Variants in RGS17 observed in about 807,000 individuals in gnomAD.
The protein encoded by RGS17 is regulator of G-protein signaling 17.
A neutral mutation model predicts 25.5 loss-of-function variants in RGS17; 12 were observed. The observed-to-expected ratio is 0.47, with a 90% CI of 0.30 to 0.76. The LOEUF is 0.76. Among genes scored for constraint, RGS17 ranks in the 30% least tolerant of loss-of-function variants. The pLI, the probability that RGS17 is intolerant of heterozygous loss-of-function variation, is 0.07. For missense variants in RGS17, 196 were observed against 242.2 expected, an observed-to-expected ratio of 0.81 and a Z score of 1.27; for synonymous variants, 71 against 76.9, an observed-to-expected ratio of 0.92 and a Z score of 0.40.
chr6:153,071,133 T>TATATGTACATATGTGTATATA (rs1776796430), intron 1 of RGS17, among the ~76,000 whole-genome samples: 1 of 149,548 alleles, frequency 6.7e-6, no homozygotes. Context: ...GTACATATTG[T>TATATGTACATATGTGTATATA]ATATGTACAT....
At chr6:153,033,956 CTGT>C (rs1776193885) in intron 2 of RGS17, among the ~76,000 whole-genome samples, 1 of 152,092 alleles carries the variant, frequency 6.6e-6, no homozygotes, top group South Asian at 2.1e-4. Context: ...AATAGTGTGA[CTGT>C]TATTAAAATG....
chr6:153,027,770 A>T (rs182136453), intron 2 of RGS17, among the ~76,000 whole-genome samples: 22 of 152,254 alleles, frequency 1.4e-4, no homozygotes, highest in African/African-American at 5.3e-4. Flanking sequence ...TGTATTTCTG[A>T]GTGCCTGCTA....
At chr6:153,026,362 T>C (rs575836161) in intron 3 of RGS17, 92 bp downstream of exon 3, 3 of 736,244 alleles carry the variant, frequency 4.1e-6, no homozygotes, top group Non-Finnish European at 6.6e-6. Flanking sequence ...TTTTGAAGAG[T>C]ACCATGAAGC....
At chr6:153,126,212 C>T (rs138127080) in intron 1 of RGS17, among the ~76,000 whole-genome samples, 10 of 152,130 alleles carry the variant, frequency 6.6e-5, no homozygotes, top group African/African-American at 1.9e-4. Flanking sequence ...TCCTTTCAAC[C>T]CCTTTATCTC....
chr6:153,121,347 A>C (rs12210305), intron 1 of RGS17, among the ~76,000 whole-genome samples: 16,924 of 152,082 alleles, frequency 0.11, 1,036 homozygotes, highest in East Asian at 0.18. Context: ...AACATAACCT[A>C]TTTCTTTTTC....
chr6:153,047,572 G>C (rs987889430), intron 1 of RGS17, among the ~76,000 whole-genome samples: 6 of 152,162 alleles, frequency 3.9e-5, no homozygotes, highest in Admixed American at 6.5e-5. Context: ...GGGGCCTTTG[G>C]GAGGTAATTA....
Position 153,011,669 on chromosome 6 carries a change from T to C in RGS17, c.538A>G (p.Thr180Ala), listed in dbSNP as rs556779833. 22 of 1,612,388 alleles carry C rather than the reference T, an allele frequency of 1.4e-5. No individual in the cohort carries two copies. The East Asian group carries it at 4.7e-4, about 34-fold the overall frequency. Residue 180 changes from threonine to alanine, a missense_variant, in exon 5 of 5, where the codon ACT becomes GCT. By Grantham distance (58) the Thr-to-Ala change is moderately conservative. Around this residue, in one of 2 missense-constraint regions of RGS17, gnomAD observed 179 missense variants for 197.6 expected, o/e 0.91. Coordinates refer to ENST00000206262, the MANE Select transcript of RGS17 (RefSeq NM_012419.5). ...MYEDAQLQIY[T>A]LMHRDSFPRF... ...GGAAAAGAATCTCTGTGCATTAAAG[T>C]ATATATCTGAAGTTGGGCATCTTCA... is the stretch of plus-strand genomic sequence containing the variant.
chr6:153,050,383 C>T (rs1453789754), intron 1 of RGS17, among the ~76,000 whole-genome samples: 1 of 152,022 alleles, frequency 6.6e-6, no homozygotes, highest in African/African-American at 2.4e-5. Flanking sequence ...TAATAAGTAA[C>T]ACATTGCAAT....
At chr6:153,126,555 A>C (rs1210471961) in intron 1 of RGS17, among the ~76,000 whole-genome samples, 2 of 152,210 alleles carry the variant, frequency 1.3e-5, no homozygotes, top group South Asian at 4.1e-4. Context: ...ACAGCAGTGG[A>C]AACACAGGCT....
rs890398414 is a variant in RGS17, at chr6:153,008,375, A to G, written c.*3199T>C. ...TATGGTCTTGACTTCTGCATTTCGTAACTTTAGTATCAAAGTTGTGTTTTG... is the reference window on the plus strand; with the variant it reads ...TATGGTCTTGACTTCTGCATTTCGTGACTTTAGTATCAAAGTTGTGTTTTG... On this transcript the variant is annotated 3_prime_UTR_variant, in exon 5 of 5. Coordinates refer to ENST00000206262, the MANE Select transcript of RGS17 (RefSeq NM_012419.5). 10 of 151,818 alleles carry G rather than the reference A, an allele frequency of 6.6e-5. No homozygotes were observed. Among genetic ancestry groups the G allele is most frequent in the African/African-American group, 2.2e-4 (9 of 41,376 alleles). The allele number at this position is 151,818 out of a possible 1,614,324, so 9.4% of individuals were successfully genotyped here. A position where few individuals can be genotyped will look rare whatever the true frequency, so the allele number is the denominator to read the frequency against.
At chr6:153,018,572 G>C (rs1412582072) in intron 4 of RGS17, among the ~76,000 whole-genome samples, 1 of 152,106 alleles carries the variant, frequency 6.6e-6, no homozygotes, top group Non-Finnish European at 1.5e-5. Flanking sequence ...CAAACCCAAT[G>C]TGTTTGGCTT....
chr6:153,082,551 AT>A (rs1293192937), intron 1 of RGS17, among the ~76,000 whole-genome samples: 1 of 151,954 alleles, frequency 6.6e-6, no homozygotes, highest in Non-Finnish European at 1.5e-5. Context: ...TAATTTTTTT[AT>A]ATCTGCCATT....
intron 1 of RGS17, among the ~76,000 whole-genome samples, chr6:153,107,395 A>G (rs1777401845): frequency 6.6e-6 from 1 of 152,216 alleles, no homozygotes; most frequent in East Asian, 1.9e-4. Context: ...AACACCTAAT[A>G]TTGTAGTTAT....
chr6:153,096,646 T>A (rs146397321), intron 1 of RGS17, among the ~76,000 whole-genome samples: 1 of 152,308 alleles, frequency 6.6e-6, no homozygotes, highest in African/African-American at 2.4e-5. Flanking sequence ...TAAGTAAAAA[T>A]TCACATTAAA....
chr6:153,072,840 A>T (rs1776825108), intron 1 of RGS17, among the ~76,000 whole-genome samples: 1 of 33,568 alleles, frequency 3.0e-5, no homozygotes, highest in South Asian at 9.3e-4. Flanking sequence ...GGAGCCTATA[A>T]ATTCAGCACT....
intron 1 of RGS17, among the ~76,000 whole-genome samples, chr6:153,075,008 A>C (rs1244188560): frequency 1.3e-5 from 2 of 152,214 alleles, no homozygotes; most frequent in African/African-American, 4.8e-5. Context: ...GATTAGTACT[A>C]AGAGCAAGAT....
In RGS17 at chr6:153,130,909, C is replaced by T. The variant is rs1310222637; in HGVS notation, c.-26+215G>A. Among the ~76,000 whole-genome samples, 3 of 152,050 alleles carry T rather than the reference C, an allele frequency of 2.0e-5. No homozygotes were observed. Among genetic ancestry groups the T allele is most frequent in the South Asian group, 2.1e-4 (1 of 4,828 alleles). The stretch of plus-strand genomic sequence containing the variant: ...CGACGCGGGATTCAACTTCCCGGAC[C>T]CGCGGCGCGGCCCCCGCTCCCGCTC... On this transcript the variant is annotated intron_variant, in intron 1 of 4. Transcript: ENST00000206262. The surrounding 1 kb of genome is among the most constrained non-coding windows in gnomAD (Gnocchi z 6.4).
At chr6:153,068,749 T>C (rs1320995346) in intron 1 of RGS17, among the ~76,000 whole-genome samples, 2 of 152,032 alleles carry the variant, frequency 1.3e-5, no homozygotes, top group African/African-American at 4.8e-5. Flanking sequence ...ATCAAACAAA[T>C]TCATAGGACA....
At chr6:153,082,962 T>C (rs1055930592) in intron 1 of RGS17, among the ~76,000 whole-genome samples, 2 of 152,174 alleles carry the variant, frequency 1.3e-5, no homozygotes, top group Admixed American at 6.5e-5. Flanking sequence ...GGTGATTACT[T>C]TGGACTCTGT....
Sources: gnomAD v4.1 joint callset for allele counts (sites outside exome capture counted in the v4.1 genomes callset) on GRCh38, gnomAD v4.1.1 for gene constraint, gnomAD v4.1.1 regional missense constraint, Gnocchi (gnomAD v3.1) non-coding constraint, MANE v1.5 for transcripts, NCBI Gene and HGNC (gene_info 2026-07-23, HGNC 2026-07-21) for gene names.